FGF12: variants seen among roughly 807,000 people sequenced by gnomAD.
The protein encoded by FGF12 is fibroblast growth factor 12.
In FGF12, 14 loss-of-function variants were observed where a neutral mutation model predicts 23.6. That is an observed-to-expected ratio of 0.59 (90% CI 0.39 to 0.93). The LOEUF is 0.93. Among genes scored for constraint, FGF12 ranks in the 40% least tolerant of loss-of-function variants. FGF12 has a pLI of 0.00. For synonymous variants in FGF12, 62 were observed against 77.3 expected (o/e 0.80, Z 1.04); for missense variants, 175 against 217.8 (o/e 0.80, Z 1.24).
chr3:192,711,792 C>T (rs1048224773), intron 2 of FGF12, among the ~76,000 whole-genome samples: 31 of 152,062 alleles, frequency 2.0e-4, no homozygotes, highest in African/African-American at 7.0e-4. Context: ...CTCAAGTACC[C>T]AGGGACACAA....
intron 2 of FGF12, among the ~76,000 whole-genome samples, chr3:192,386,799 ACCT>A (rs1720058458): frequency 6.6e-6 from 1 of 152,202 alleles, no homozygotes; most frequent in African/African-American, 2.4e-5. Flanking sequence ...GGGAGAGGTA[ACCT>A]CTGGTAATAT....
At chr3:192,473,175 A>G (rs115336573) in intron 2 of FGF12, among the ~76,000 whole-genome samples, 3,222 of 152,332 alleles carry the variant, frequency 0.021, 49 homozygotes, top group Middle Eastern at 0.031. Context: ...GAAACAGGAA[A>G]TACAAGATAC....
intron 2 of FGF12, among the ~76,000 whole-genome samples, chr3:192,506,607 A>C: frequency 6.6e-6 from 1 of 152,278 alleles, no homozygotes; most frequent in South Asian, 2.1e-4. Context: ...CTCAGCCTCA[A>C]GTAACCTGCC....
Position 192,646,589 on chromosome 3 carries a change from G to A in FGF12, c.13+80592C>T, listed in dbSNP as rs150498174. ...CAAGAATGACCCTTGAAAGCACCAC[G>A]TTCAGTTAAAGCAGCTAGATTCAAA... On this transcript the variant is annotated intron_variant, in intron 2 of 5. Transcript: ENST00000445105. Among the ~76,000 whole-genome samples the A allele has an allele frequency of 8.3e-3, 1,261 of 152,200 alleles. 20 individuals are homozygous for A. The highest frequency in any genetic ancestry group is 0.03 in the African/African-American group (1,225 of 41,512).
intron 2 of FGF12, among the ~76,000 whole-genome samples, chr3:192,474,897 A>AGAAAG (rs1723274639): frequency 6.7e-6 from 1 of 149,126 alleles, no homozygotes; most frequent in African/African-American, 2.6e-5. Flanking sequence ...AAAAAAAAAA[A>AGAAAG]AAAGAAAGAA....
In FGF12 at chr3:192,139,462, A is replaced by C. The variant is rs1713244651; in HGVS notation, c.*4547T>G. On this transcript the variant is annotated 3_prime_UTR_variant, in exon 6 of 6. Coordinates refer to ENST00000445105, the MANE Select transcript of FGF12 (RefSeq NM_004113.6). ...AGTTTCTCATACAACATGTTTACTAAACATTTCAGTGTCAATAATTTCTTA... is the reference window on the plus strand; with the variant it reads ...AGTTTCTCATACAACATGTTTACTACACATTTCAGTGTCAATAATTTCTTA... 6.6e-6 allele frequency: 1 copy of C among 152,210 alleles called. No individual in the cohort carries two copies. Among genetic ancestry groups the C allele is most frequent in the Non-Finnish European group, 1.5e-5 (1 of 68,020 alleles). The allele number at this position is 152,210 out of a possible 1,614,324, so 9.4% of individuals were successfully genotyped here. A position where few individuals can be genotyped will look rare whatever the true frequency, so the allele number is the denominator to read the frequency against.
intron 4 of FGF12, among the ~76,000 whole-genome samples, chr3:192,319,697 G>A (rs74732557): frequency 0.03 from 4,549 of 152,164 alleles, 102 homozygotes; most frequent in Non-Finnish European, 0.047. Flanking sequence ...TAAAGGCAAG[G>A]GGATGAATCT....
At chr3:192,265,001 GCATCATTTTCACTTTATAAGTAAGT>G (rs1423104748) in intron 4 of FGF12, among the ~76,000 whole-genome samples, 7 of 152,066 alleles carry the variant, frequency 4.6e-5, no homozygotes, top group African/African-American at 1.2e-4. Flanking sequence ...AATCAGGCTT[GCATCATTTTCACTTTATAAGTAAGT>G]CAAACTTCAG....
intron 2 of FGF12, among the ~76,000 whole-genome samples, chr3:192,626,768 T>C (rs1698350210): frequency 6.6e-6 from 1 of 152,078 alleles, no homozygotes; most frequent in African/African-American, 2.4e-5. Flanking sequence ...CCATGTCCAG[T>C]TAATTTTTAA....
chr3:192,289,421 G>C (rs28737277), intron 4 of FGF12, among the ~76,000 whole-genome samples: 1 of 151,912 alleles, frequency 6.6e-6, no homozygotes, highest in Non-Finnish European at 1.5e-5. Flanking sequence ...CTCAGCTTTT[G>C]TGCCAAAAGG....
At chr3:192,220,920 C>G (rs2108572655) in intron 4 of FGF12, among the ~76,000 whole-genome samples, 1 of 152,238 alleles carries the variant, frequency 6.6e-6, no homozygotes, top group African/African-American at 2.4e-5. Flanking sequence ...TTATTACTCT[C>G]TTTATTAGAT....
chr3:192,332,770 C>T (rs569615108), intron 4 of FGF12, among the ~76,000 whole-genome samples: 7 of 152,244 alleles, frequency 4.6e-5, no homozygotes, highest in Admixed American at 1.3e-4. Flanking sequence ...CTTCAGCACT[C>T]TCCTCTCTCT....
Position 192,514,919 on chromosome 3 carries a change from G to C in FGF12, c.14-154381C>G. The C allele has an allele frequency of 1.0e-6, 1 of 970,172 alleles. No homozygotes were observed. Among genetic ancestry groups the C allele is most frequent in the Non-Finnish European group, 1.2e-6 (1 of 816,076 alleles). 60.1% of individuals were successfully genotyped at this position (970,172 alleles called of 1,614,324 possible). A position where few individuals can be genotyped will look rare whatever the true frequency, so the allele number is the denominator to read the frequency against. On this transcript the variant is annotated intron_variant, in intron 2 of 5. Coordinates refer to ENST00000445105, the MANE Select transcript of FGF12 (RefSeq NM_004113.6). This position sits in a 1 kb window ranked among gnomAD's most constrained non-coding sequence, Gnocchi z 4.9. ...CCGGAGGGAGCCCGGGCGCCGGCAG[G>C]GGGCGGGCCGGGACGCGGAAGTGCC...
At position 192,200,796 on chromosome 3, in the gene FGF12, T is replaced by C. The variant is rs978881688; in HGVS notation, c.229-30140A>G. 3.3e-5 allele frequency among the ~76,000 whole-genome samples: 5 copies of C among 152,194 alleles called. No homozygotes were observed. The South Asian group carries it at 1.0e-3, about 31-fold the overall frequency. On this transcript the variant is annotated intron_variant, in intron 4 of 5. Coordinates refer to ENST00000445105, the MANE Select transcript of FGF12 (RefSeq NM_004113.6). ...TAGATTTAGTTTCTCTAGCAAGGCC[T>C]ATGCTCCTTAAGTTTATGGATGTCA...
intron 2 of FGF12, among the ~76,000 whole-genome samples, chr3:192,406,048 A>G (rs573594312): frequency 6.6e-6 from 1 of 152,310 alleles, no homozygotes; most frequent in Admixed American, 6.5e-5. Context: ...CTCTGATAAG[A>G]TGAACACTGT....
chr3:192,258,717 C>T (rs534192931), intron 4 of FGF12, among the ~76,000 whole-genome samples: 9 of 151,976 alleles, frequency 5.9e-5, no homozygotes, highest in Admixed American at 1.3e-4. Flanking sequence ...CAGATTAACA[C>T]AAATGGGCAG....
intron 2 of FGF12, among the ~76,000 whole-genome samples, chr3:192,572,512 T>C (rs1712687873): frequency 6.6e-6 from 1 of 152,196 alleles, no homozygotes; most frequent in African/African-American, 2.4e-5. Flanking sequence ...ACATAAGTTT[T>C]GTAGTGACAC....
intron 2 of FGF12, among the ~76,000 whole-genome samples, chr3:192,633,470 A>G (rs1715467421): frequency 6.6e-6 from 1 of 152,150 alleles, no homozygotes; most frequent in African/African-American, 2.4e-5. Flanking sequence ...TTAATTTGGG[A>G]AAACACGATT....
At chr3:192,258,506 GTA>G (rs1712548759) in intron 4 of FGF12, among the ~76,000 whole-genome samples, 1 of 152,082 alleles carries the variant, frequency 6.6e-6, no homozygotes, top group Non-Finnish European at 1.5e-5. Flanking sequence ...GTTAAAAACA[GTA>G]TAGTTTGTTT....
Sources: allele counts gnomAD v4.1 joint callset (sites outside exome capture counted in the v4.1 genomes callset), GRCh38; gene constraint gnomAD v4.1.1; non-coding constraint Gnocchi (gnomAD v3.1); transcripts MANE v1.5; gene names NCBI Gene and HGNC (gene_info 2026-07-23, HGNC 2026-07-21).